The following GRID2 variants were observed in gnomAD, a reference collection of about 807,000 sequenced individuals.
The protein encoded by GRID2 is glutamate receptor ionotropic, delta-2.
In GRID2, 33 loss-of-function variants were observed where a neutral mutation model predicts 114.8. The observed-to-expected ratio is 0.29, with a 90% CI of 0.22 to 0.38. The LOEUF (loss-of-function observed/expected upper bound fraction) is 0.38, where lower values mean the gene tolerates loss of function less well. GRID2 is among the 10% of genes least tolerant of loss of function. The probability of loss-of-function intolerance (pLI) is 1.00; values close to 1 mark genes in which losing one functional copy is unlikely to be tolerated. For synonymous variants in GRID2, 505 were observed against 449.9 expected (o/e 1.12, Z -1.55); for missense variants, 1,184 against 1,257.7 (o/e 0.94, Z 0.89).
At chr4:93,713,428 A>AATTT (rs61147386) in intron 14 of GRID2, among the ~76,000 whole-genome samples, 10,540 of 150,290 alleles carry the variant, frequency 0.07, 1,174 homozygotes, top group African/African-American at 0.24. Context: ...TTAAATGTGG[A>AATTT]ATTTATTTAT....
chr4:92,495,777 G>T (rs1361280982), intron 1 of GRID2, among the ~76,000 whole-genome samples: 1 of 151,838 alleles, frequency 6.6e-6, no homozygotes, highest in Non-Finnish European at 1.5e-5. Flanking sequence ...TAATTGTGTA[G>T]GGTGGTCATT....
intron 13 of GRID2, among the ~76,000 whole-genome samples, chr4:93,593,481 C>T (rs1308134445): frequency 7.4e-6 from 1 of 134,580 alleles, no homozygotes; most frequent in East Asian, 2.1e-4. Context: ...TCTGGCTGCC[C>T]TTAACATTTT....
At chr4:93,173,440 G>A (rs528122955) in intron 4 of GRID2, among the ~76,000 whole-genome samples, 2 of 152,216 alleles carry the variant, frequency 1.3e-5, no homozygotes, top group African/African-American at 4.8e-5. Context: ...AGAAGAAAGA[G>A]AGGGAGGGAG....
At chr4:92,935,951 G>C (rs1314056909) in intron 2 of GRID2, among the ~76,000 whole-genome samples, 1 of 145,344 alleles carries the variant, frequency 6.9e-6, no homozygotes, top group African/African-American at 2.4e-5. Context: ...GGAGTTAATG[G>C]GTGCAGCACA....
At chr4:92,930,079 C>T (rs545695675) in intron 2 of GRID2, among the ~76,000 whole-genome samples, 5 of 151,276 alleles carry the variant, frequency 3.3e-5, no homozygotes, top group African/African-American at 9.6e-5. Context: ...AGAACAGTAG[C>T]ATTTAATTTT....
intron 2 of GRID2, among the ~76,000 whole-genome samples, chr4:92,659,919 C>T (rs1355298936): frequency 6.6e-6 from 1 of 151,468 alleles, no homozygotes; most frequent in Non-Finnish European, 1.5e-5. Context: ...GCAATAAAAT[C>T]TGTTAGATAG....
At chr4:92,377,358 T>C (rs1440655385) in intron 1 of GRID2, among the ~76,000 whole-genome samples, 2 of 152,080 alleles carry the variant, frequency 1.3e-5, no homozygotes, top group Non-Finnish European at 2.9e-5. Context: ...AGTTCCTCAC[T>C]TCCATCTGAG....
intron 10 of GRID2, among the ~76,000 whole-genome samples, chr4:93,436,288 T>A (rs1353867917): frequency 6.6e-6 from 1 of 152,084 alleles, no homozygotes; most frequent in African/African-American, 2.4e-5. Flanking sequence ...TAGGCTTAGA[T>A]TTCATCCTCT....
intron 2 of GRID2, among the ~76,000 whole-genome samples, chr4:92,728,406 A>G (rs369369982): frequency 6.6e-6 from 1 of 152,114 alleles, no homozygotes. Flanking sequence ...AAGGTTTCAC[A>G]GGGCATGTGG....
At chr4:93,233,907 AT>A (rs1249513370) in intron 7 of GRID2, among the ~76,000 whole-genome samples, 1 of 152,140 alleles carries the variant, frequency 6.6e-6, no homozygotes, top group Non-Finnish European at 1.5e-5. Context: ...TAAAATAATG[AT>A]TCCTAGGTTA....
At chr4:92,411,300 A>G in intron 1 of GRID2, among the ~76,000 whole-genome samples, 1 of 152,154 alleles carries the variant, frequency 6.6e-6, no homozygotes, top group East Asian at 1.9e-4. Flanking sequence ...AAATATTATG[A>G]AACGGAGGCT....
intron 11 of GRID2, among the ~76,000 whole-genome samples, chr4:93,460,245 C>T (rs1036214282): frequency 1.3e-5 from 2 of 152,214 alleles, no homozygotes; most frequent in Non-Finnish European, 2.9e-5. Context: ...ATTCCATCAC[C>T]TGGCTCCTGT....
At chr4:93,260,280 T>C (rs1750107682) in intron 8 of GRID2, among the ~76,000 whole-genome samples, 1 of 151,618 alleles carries the variant, frequency 6.6e-6, no homozygotes, top group Non-Finnish European at 1.5e-5. Context: ...TGATTCTATA[T>C]GTTATCTTTA....
intron 2 of GRID2, among the ~76,000 whole-genome samples, chr4:93,018,150 G>A (rs1399645127): frequency 6.7e-6 from 1 of 148,614 alleles, no homozygotes; most frequent in Non-Finnish European, 1.5e-5. Flanking sequence ...GAGATACTGA[G>A]AACAAAATTT....
chr4:92,870,143 G>C (rs1271853398), intron 2 of GRID2, among the ~76,000 whole-genome samples: 1 of 151,934 alleles, frequency 6.6e-6, no homozygotes, highest in Non-Finnish European at 1.5e-5. Context: ...CAAGTTTGTG[G>C]TGAGCTGTGA....
chr4:93,256,362 A>G (rs1436710296), intron 8 of GRID2, among the ~76,000 whole-genome samples: 1 of 151,992 alleles, frequency 6.6e-6, no homozygotes, highest in African/African-American at 2.4e-5. Flanking sequence ...TATTTTCAAA[A>G]TTATGTTATT....
At chr4:93,463,495 A>G (rs1203415269) in intron 11 of GRID2, among the ~76,000 whole-genome samples, 2 of 152,210 alleles carry the variant, frequency 1.3e-5, no homozygotes, top group Non-Finnish European at 2.9e-5. Flanking sequence ...ATGAGGCAGA[A>G]ATCATATTTC....
At chr4:92,798,574 A>C (rs1043729400) in intron 2 of GRID2, among the ~76,000 whole-genome samples, 25 of 152,036 alleles carry the variant, frequency 1.6e-4, no homozygotes, top group African/African-American at 6.0e-4. Flanking sequence ...ACAGAATCTA[A>C]CTTTGGACAT....
chr4:93,549,138 A>C (rs961963845), intron 13 of GRID2, among the ~76,000 whole-genome samples: 10 of 152,186 alleles, frequency 6.6e-5, no homozygotes, highest in African/African-American at 2.2e-4. Context: ...GATCAAATAC[A>C]GTTAGTTGCC....
Sources: gnomAD v4.1 joint callset for allele counts (sites outside exome capture counted in the v4.1 genomes callset) on GRCh38, gnomAD v4.1.1 for gene constraint, MANE v1.5 for transcripts, NCBI Gene and HGNC (gene_info 2026-07-23, HGNC 2026-07-21) for gene names.